Variants in SUGCT observed in about 807,000 individuals in gnomAD.
SUGCT encodes succinyl-CoA:glutarate-CoA transferase.
SUGCT carries 41 observed loss-of-function variants against 55.0 expected under a neutral mutation model. That is an observed-to-expected ratio of 0.74 (90% confidence interval 0.58 to 0.97). The LOEUF is 0.97. Among genes scored for constraint, SUGCT ranks in the 50% least tolerant of loss-of-function variants. The pLI is 0.00. For synonymous variants in SUGCT, 187 were observed against 200.4 expected (o/e 0.93, Z 0.56); for missense variants, 568 against 547.8 (o/e 1.04, Z -0.37).
chr7:40,452,795 G>A (rs1178009250), intron 10 of SUGCT, among the ~76,000 whole-genome samples: 1 of 152,138 alleles, frequency 6.6e-6, no homozygotes, highest in Non-Finnish European at 1.5e-5. Context: ...GAAGATTCTG[G>A]TTCTGAGGAG....
chr7:40,648,394 C>T (rs1800626221), intron 12 of SUGCT, among the ~76,000 whole-genome samples: 1 of 152,052 alleles, frequency 6.6e-6, no homozygotes, highest in Non-Finnish European at 1.5e-5. Context: ...TGGCCTGTTT[C>T]CTTATTGTCA....
At chr7:40,339,995 T>C (rs7807217) in intron 9 of SUGCT, among the ~76,000 whole-genome samples, 88,583 of 152,036 alleles carry the variant, frequency 0.58, 25,951 homozygotes, top group South Asian at 0.65. Flanking sequence ...CATATTGATA[T>C]ACATGCATGA....
At chr7:40,918,977 C>G in the SUGCT span, among the ~76,000 whole-genome samples, 3 of 152,122 alleles carry the variant, frequency 2.0e-5, no homozygotes, top group Non-Finnish European at 2.9e-5. Flanking sequence ...GAAAAGTTAC[C>G]TCACAAGTGG....
chr7:40,219,713 A>G (rs533917792), intron 6 of SUGCT, among the ~76,000 whole-genome samples: 1 of 152,330 alleles, frequency 6.6e-6, no homozygotes, highest in East Asian at 1.9e-4. Flanking sequence ...TTAAACAGAC[A>G]AAATAAAATA....
intron 7 of SUGCT, among the ~76,000 whole-genome samples, chr7:40,240,734 C>T (rs1182369602): frequency 6.6e-6 from 1 of 152,172 alleles, no homozygotes. Context: ...TGTGCTGTAG[C>T]ATAACTCCAT....
the SUGCT span, among the ~76,000 whole-genome samples, chr7:40,937,639 T>C: frequency 1.3e-5 from 2 of 152,230 alleles, no homozygotes; most frequent in Non-Finnish European, 2.9e-5. Flanking sequence ...TGTATCATTA[T>C]AAAATTTTGC....
chr7:40,961,108 C>T, the SUGCT span, among the ~76,000 whole-genome samples: 4 of 152,232 alleles, frequency 2.6e-5, no homozygotes, highest in African/African-American at 9.6e-5. Flanking sequence ...TGTGACTCCT[C>T]CTCCACACTC....
At chr7:40,931,890 T>C in the SUGCT span, among the ~76,000 whole-genome samples, 2 of 152,172 alleles carry the variant, frequency 1.3e-5, no homozygotes, top group Non-Finnish European at 2.9e-5. Context: ...GATTCATTGA[T>C]TTTTTGAAGG....
intron 9 of SUGCT, among the ~76,000 whole-genome samples, chr7:40,361,080 G>A (rs1798127664): frequency 6.6e-6 from 1 of 152,138 alleles, no homozygotes; most frequent in Non-Finnish European, 1.5e-5. Context: ...GCCACTGGGA[G>A]GATGTTATTA....
the SUGCT span, among the ~76,000 whole-genome samples, chr7:40,956,879 A>C: frequency 3.3e-5 from 5 of 152,174 alleles, no homozygotes; most frequent in Admixed American, 1.3e-4. Flanking sequence ...TTATGTACCC[A>C]GTAGTCATTC....
chr7:40,282,217 C>T (rs973377299), intron 8 of SUGCT, among the ~76,000 whole-genome samples: 1 of 151,920 alleles, frequency 6.6e-6, no homozygotes. Flanking sequence ...CATGTAATCC[C>T]AGCACTTTGG....
At chr7:40,513,614 T>C (rs1251750725) in intron 12 of SUGCT, among the ~76,000 whole-genome samples, 6 of 152,128 alleles carry the variant, frequency 3.9e-5, no homozygotes, top group Non-Finnish European at 2.9e-5. Flanking sequence ...TAAGGCAAGA[T>C]GCTCTTTTAT....
At chr7:40,816,775 C>T (rs1484459535) in intron 13 of SUGCT, among the ~76,000 whole-genome samples, 1 of 152,126 alleles carries the variant, frequency 6.6e-6, no homozygotes, top group Admixed American at 6.5e-5. Context: ...CTTTAGCAAG[C>T]CCATTGTATG....
chr7:40,249,656 T>G (rs1790224159), intron 7 of SUGCT, among the ~76,000 whole-genome samples: 1 of 152,192 alleles, frequency 6.6e-6, no homozygotes, highest in South Asian at 2.1e-4. Context: ...AATGAAGTTT[T>G]TCTTAATTCA....
intron 6 of SUGCT, among the ~76,000 whole-genome samples, chr7:40,226,038 A>G (rs906438601): frequency 2.0e-5 from 3 of 152,204 alleles, no homozygotes; most frequent in Middle Eastern, 3.2e-3. Context: ...AATTACTGCT[A>G]TTAGTTGACC....
At chr7:40,526,656 G>A (rs1357839335) in intron 12 of SUGCT, among the ~76,000 whole-genome samples, 4 of 152,118 alleles carry the variant, frequency 2.6e-5, no homozygotes, top group African/African-American at 9.7e-5. Context: ...TTATAATGGA[G>A]TCAATCACTT....
chr7:40,362,884 G>T (rs1798224202), intron 9 of SUGCT, among the ~76,000 whole-genome samples: 1 of 152,042 alleles, frequency 6.6e-6, no homozygotes, highest in African/African-American at 2.4e-5. Flanking sequence ...GTGCAATTTT[G>T]TCTTATAGTA....
intron 13 of SUGCT, among the ~76,000 whole-genome samples, chr7:40,836,661 A>G (rs189233540): frequency 1.5e-3 from 235 of 152,228 alleles, no homozygotes; most frequent in African/African-American, 5.2e-3. Context: ...CTTCATCTCT[A>G]TAATTTTCTT....
chr7:40,906,427 C>T, the SUGCT span, among the ~76,000 whole-genome samples: 12 of 152,194 alleles, frequency 7.9e-5, no homozygotes, highest in East Asian at 1.4e-3. Flanking sequence ...GTAGGAACAA[C>T]GGTAGAAAAA....
Sources: allele counts gnomAD v4.1 joint callset (sites outside exome capture counted in the v4.1 genomes callset), GRCh38; gene constraint gnomAD v4.1.1; transcripts MANE v1.5; gene names NCBI Gene and HGNC (gene_info 2026-07-23, HGNC 2026-07-21).